Variants in LURAP1L observed in about 807,000 individuals in gnomAD.
LURAP1L encodes the protein leucine rich adaptor protein 1 like.
Under a neutral mutation model 13.8 loss-of-function variants are expected in LURAP1L, and 12 were observed. That is an observed-to-expected ratio of 0.87 (90% CI 0.56 to 1.41). The LOEUF (loss-of-function observed/expected upper bound fraction) is 1.41. Ranked by LOEUF, LURAP1L falls within the 40% of genes most tolerant of loss-of-function variation. LURAP1L has a pLI of 0.00. For synonymous variants in LURAP1L, 139 were observed against 119.2 expected, an observed-to-expected ratio of 1.17 and a Z score of -1.08; for missense variants, 375 against 292.9, an observed-to-expected ratio of 1.28 and a Z score of -2.04.
At chr9:12,803,352 C>T (rs994944047) in intron 1 of LURAP1L, among the ~76,000 whole-genome samples, 3 of 152,128 alleles carry the variant, frequency 2.0e-5, no homozygotes, top group Admixed American at 6.5e-5. Flanking sequence ...AGAATGGGGA[C>T]ATGGGAAGAT....
chr9:12,821,319 A>G lies in LURAP1L; in HGVS notation c.313-67A>G, dbSNP rs933126574. On this transcript the variant is annotated intron_variant, in intron 1 of 1. Transcript: ENST00000319264. ...TTCTGAACTGCAGCAGACAGTCCCC[A>G]GATGAATTTGAGGCCTTTCGAGAGT... 1.3e-5 allele frequency: 19 copies of G among 1,510,502 alleles called. No individual in the cohort carries two copies. The African/African-American group carries it at 2.4e-4, about 19-fold the overall frequency. The allele number at this position is 1,510,502 out of a possible 1,614,324, so 93.6% of individuals were successfully genotyped here.
chr9:12,778,062 G>A (rs1372427701), intron 1 of LURAP1L, among the ~76,000 whole-genome samples: 1 of 152,136 alleles, frequency 6.6e-6, no homozygotes, highest in Admixed American at 6.5e-5. Flanking sequence ...GAGTCTCTAA[G>A]GTCCCTGATA....
chr9:12,812,419 G>C lies in LURAP1L; in HGVS notation c.313-8967G>C, dbSNP rs992241700. Among the ~76,000 whole-genome samples the C allele has an allele frequency of 5.3e-5, 8 of 152,206 alleles. No individual in the cohort carries two copies. The East Asian group carries it at 1.3e-3, about 26-fold the overall frequency. ...CGCCCATCCATTTTATTCTGTTGCA[G>C]AGATTGCTTCCTCACTTATTTTTAC... On this transcript the variant is annotated intron_variant, in intron 1 of 1. Transcript: ENST00000319264.
At chr9:12,804,896 G>A (rs905881840) in intron 1 of LURAP1L, among the ~76,000 whole-genome samples, 6 of 151,898 alleles carry the variant, frequency 4.0e-5, no homozygotes, top group African/African-American at 1.5e-4. Context: ...CCTAAATCCA[G>A]CCCACCTGTT....
In LURAP1L at chr9:12,777,282, T is replaced by C. The variant is rs563414205; in HGVS notation, c.312+1255T>C. 31 of 985,168 alleles carry C rather than the reference T, an allele frequency of 3.1e-5. 1 individual carries two copies. The South Asian group carries it at 1.4e-3, about 45-fold the overall frequency. The allele number at this position is 985,168 out of a possible 1,614,324, so 61.0% of individuals were successfully genotyped here. ...AAGTCATCTTGATGAGTTTGCAAAA[T>C]AGATGAAAAGATAAAATGGAAAAGA... On this transcript the variant is annotated intron_variant, in intron 1 of 1. Coordinates refer to ENST00000319264, the MANE Select transcript of LURAP1L (RefSeq NM_203403.2).
chr9:12,776,961 G>GA (rs1330381335), intron 1 of LURAP1L, among the ~76,000 whole-genome samples: 2 of 151,324 alleles, frequency 1.3e-5, no homozygotes, highest in African/African-American at 2.4e-5. Flanking sequence ...TAAGTCCTTT[G>GA]AAAAAAACGA....
Position 12,800,048 on chromosome 9 carries a change from T to C in LURAP1L, c.313-21338T>C, listed in dbSNP as rs116529845. 5.9e-3 allele frequency among the ~76,000 whole-genome samples: 900 copies of C among 152,268 alleles called. 8 individuals carry two copies. The highest frequency in any genetic ancestry group is 0.02 in the African/African-American group (846 of 41,542). ...ATTCTCTTTTTGGGGTAGTAGCACC[T>C]AAAACCTACTCTCAGTAAATTTTCA... On this transcript the variant is annotated intron_variant, in intron 1 of 1. Transcript: ENST00000319264.
At chr9:12,821,281 T>A in intron 1 of LURAP1L, 105 bp from the exon 2 acceptor site, 2 of 1,273,784 alleles carry the variant, frequency 1.6e-6, no homozygotes, top group South Asian at 2.9e-5. Context: ...TATTTTATTC[T>A]GTGAATTTAA....
intron 1 of LURAP1L, among the ~76,000 whole-genome samples, chr9:12,816,942 T>G (rs2118549534): frequency 6.6e-6 from 1 of 152,324 alleles, no homozygotes; most frequent in African/African-American, 2.4e-5. Context: ...ATGTCCTGGT[T>G]GTTTGTTCCC....
intron 1 of LURAP1L, among the ~76,000 whole-genome samples, chr9:12,809,469 T>G (rs2118532662): frequency 6.6e-6 from 1 of 152,328 alleles, no homozygotes; most frequent in South Asian, 2.1e-4. Flanking sequence ...TGCATTTTCA[T>G]TTGTTTCCTT....
chr9:12,801,882 T>C (rs914574237), intron 1 of LURAP1L, among the ~76,000 whole-genome samples: 1 of 152,300 alleles, frequency 6.6e-6, no homozygotes, highest in South Asian at 2.1e-4. Flanking sequence ...GTCATATATT[T>C]GAAAAGCACT....
chr9:12,796,145 C>T (rs1299714380), intron 1 of LURAP1L, among the ~76,000 whole-genome samples: 1 of 151,810 alleles, frequency 6.6e-6, no homozygotes, highest in Non-Finnish European at 1.5e-5. Context: ...ATCCAAATAA[C>T]ATTTATCTAT....
intron 1 of LURAP1L, among the ~76,000 whole-genome samples, chr9:12,782,529 T>A (rs1453761737): frequency 6.6e-6 from 1 of 152,232 alleles, no homozygotes; most frequent in African/African-American, 2.4e-5. Flanking sequence ...GGCATCTTTG[T>A]GAAAAATGAG....
At chr9:12,787,838 C>T (rs561793764) in intron 1 of LURAP1L, among the ~76,000 whole-genome samples, 2 of 152,172 alleles carry the variant, frequency 1.3e-5, no homozygotes, top group Admixed American at 1.3e-4. Flanking sequence ...CTCAGCCAGA[C>T]GCAGTGGTTC....
At position 12,786,583 on chromosome 9, in the gene LURAP1L, A is replaced by ATATATATATATAT. The variant is rs1384664118; in HGVS notation, c.312+10556_312+10557insTATATATATATAT. 5.5e-4 allele frequency among the ~76,000 whole-genome samples: 11 copies of ATATATATATATAT among 19,850 alleles called. 1 individual carries two copies. The East Asian group carries it at 6.3e-3, about 11-fold the overall frequency. The allele number at this position is 19,850 out of a possible 152,430, so 13.0% of individuals were successfully genotyped here. A position where few individuals can be genotyped will look rare whatever the true frequency, so the allele number is the denominator to read the frequency against. On this transcript the variant is annotated intron_variant, in intron 1 of 1. Transcript: ENST00000319264. ...ATATATATATATATATATATATATA[A>ATATATATATATAT]ACCCTTGTGCCTTAAGTCTGTATAG...
intron 1 of LURAP1L, among the ~76,000 whole-genome samples, chr9:12,816,120 A>G (rs1447044153): frequency 6.6e-6 from 1 of 152,212 alleles, no homozygotes; most frequent in Non-Finnish European, 1.5e-5. Context: ...ATATGTCGAA[A>G]TGGAAGGAAA....
intron 1 of LURAP1L, among the ~76,000 whole-genome samples, chr9:12,797,418 G>T (rs955225600): frequency 6.6e-6 from 1 of 152,076 alleles, no homozygotes; most frequent in African/African-American, 2.4e-5. Context: ...AGTTTTAGCT[G>T]TCTAAAAACT....
chr9:12,786,547 C>CATATATATATATATATATAT lies in LURAP1L; in HGVS notation c.312+10536_312+10555dup, dbSNP rs67654649. Among the ~76,000 whole-genome samples, 274 of 52,974 alleles carry CATATATATATATATATATAT rather than the reference C, an allele frequency of 5.2e-3. 16 individuals carry two copies. Among genetic ancestry groups the CATATATATATATATATATAT allele is most frequent in the African/African-American group, 5.9e-3 (72 of 12,202 alleles). 34.8% of individuals were successfully genotyped at this position (52,974 alleles called of 152,430 possible). On this transcript the variant is annotated intron_variant, in intron 1 of 1. Coordinates refer to ENST00000319264, the MANE Select transcript of LURAP1L (RefSeq NM_203403.2). The stretch of plus-strand genomic sequence containing the variant: ...AAATGGCTAACATGTATATATATGA[C>CATATATATATATATATATAT]ATATATATATATATATATATATATA...
intron 1 of LURAP1L, among the ~76,000 whole-genome samples, chr9:12,803,276 C>G (rs551348869): frequency 1.3e-5 from 2 of 152,130 alleles, no homozygotes; most frequent in Non-Finnish European, 2.9e-5. Context: ...TATCAGAGAA[C>G]CAAGACATTT....
Sources: gnomAD v4.1 joint callset for allele counts (sites outside exome capture counted in the v4.1 genomes callset) on GRCh38, gnomAD v4.1.1 for gene constraint, MANE v1.5 for transcripts, NCBI Gene and HGNC (gene_info 2026-07-23, HGNC 2026-07-21) for gene names.